Variants in PIWIL2 observed in about 807,000 individuals in gnomAD.
PIWIL2 encodes piwi-like protein 2.
In PIWIL2, 81 loss-of-function variants were observed where a neutral mutation model predicts 116.5. The observed-to-expected ratio is 0.70, with a 90% CI of 0.58 to 0.84. The LOEUF (loss-of-function observed/expected upper bound fraction) is 0.84. PIWIL2 is among the 40% of genes least tolerant of loss of function. The pLI, the probability that PIWIL2 is intolerant of heterozygous loss-of-function variation, is 0.00. For synonymous variants in PIWIL2, 489 were observed against 429.5 expected (o/e 1.14, Z -1.71); for missense variants, 1,272 against 1,212.3 (o/e 1.05, Z -0.73).
At chr8:22,327,090 C>T in intron 20 of PIWIL2, among the ~76,000 whole-genome samples, 1 of 140,584 alleles carries the variant, frequency 7.1e-6, no homozygotes, top group East Asian at 2.2e-4. Flanking sequence ...TGCAGTGACA[C>T]GATCTTGGCT....
chr8:22,309,825 A>G (rs1212353103), intron 14 of PIWIL2, 136 bp from the exon 15 acceptor site: 6 of 557,034 alleles, frequency 1.1e-5, no homozygotes, highest in African/African-American at 1.9e-5. Context: ...AAGCTTTATT[A>G]TTCTGCTAGT....
intron 5 of PIWIL2, 97 bp downstream of exon 5, chr8:22,283,337 C>T (rs1830556854): frequency 7.7e-6 from 7 of 908,888 alleles, no homozygotes; most frequent in Non-Finnish European, 1.1e-5. Flanking sequence ...TGTGTTGGGT[C>T]CTCCCTGGGT....
chr8:22,355,468 C>T lies in PIWIL2; in HGVS notation c.2885C>T (p.Pro962Leu). 6.2e-7 allele frequency: 1 copy of T among 1,614,152 alleles called. No individual in the cohort carries two copies. Among genetic ancestry groups the T allele is most frequent in the Non-Finnish European group, 8.5e-7 (1 of 1,180,018 alleles). The change falls in exon 23 of 23, where the codon CCA (proline) becomes CTA (leucine). Residue 962 changes from proline (P) to leucine (L), a missense_variant. Transcript: ENST00000356766. The part of the protein sequence containing the change: ...FLSGHILHHE[P>L]AIQLCENLFF... ...TCAGGACACATCTTGCATCATGAAC[C>T]AGCCATCCAGCTGTGCGAGAACCTG...
At chr8:22,277,018 GAT>G (rs79136424) in intron 1 of PIWIL2, among the ~76,000 whole-genome samples, 1,676 of 141,588 alleles carry the variant, frequency 0.012, 46 homozygotes, top group African/African-American at 0.042. Flanking sequence ...GTTATAAAGT[GAT>G]ATATATATAT....
intron 20 of PIWIL2, among the ~76,000 whole-genome samples, chr8:22,341,463 T>C (rs1832106948): frequency 6.6e-6 from 1 of 151,792 alleles, no homozygotes; most frequent in Non-Finnish European, 1.5e-5. Context: ...GGCATGGTGG[T>C]GCATACCTGT....
chr8:22,295,385 A>G (rs1830873328), intron 10 of PIWIL2, among the ~76,000 whole-genome samples: 3 of 151,514 alleles, frequency 2.0e-5, no homozygotes, highest in Non-Finnish European at 4.4e-5. Flanking sequence ...CCACTAATTT[A>G]AGCTCAAATT....
intron 14 of PIWIL2, 94 bp downstream of exon 14, chr8:22,308,167 GT>G (rs1015488473): frequency 2.2e-5 from 20 of 890,668 alleles, no homozygotes; most frequent in Non-Finnish European, 3.1e-5. Context: ...TATTTTGAAT[GT>G]TTGTCCATGT....
intron 10 of PIWIL2, among the ~76,000 whole-genome samples, chr8:22,295,679 T>G (rs1406301485): frequency 6.6e-6 from 1 of 152,162 alleles, no homozygotes; most frequent in African/African-American, 2.4e-5. Context: ...GGCTTGGTGT[T>G]CTACCACCTT....
intron 14 of PIWIL2, among the ~76,000 whole-genome samples, chr8:22,309,196 G>A (rs1002195829): frequency 4.0e-5 from 6 of 150,912 alleles, no homozygotes; most frequent in East Asian, 2.0e-4. Context: ...TCCTGACCTC[G>A]TGATCCACCC....
rs141640853 is a variant in PIWIL2 at position 22,289,551 on chromosome 8, A to G, written c.987-296A>G. Among the ~76,000 whole-genome samples the G allele has an allele frequency of 5.1e-3, 773 of 152,344 alleles. 6 individuals carry two copies. Among genetic ancestry groups the G allele is most frequent in the African/African-American group, 0.017 (702 of 41,582 alleles). Reference sequence around the variant, plus strand: ...CACACTTAGCAATGGGCTGTCTTGCATTCTTCGTAGTTAGTGGTGAAAAGT... The same window carrying G: ...CACACTTAGCAATGGGCTGTCTTGCGTTCTTCGTAGTTAGTGGTGAAAAGT... On this transcript the variant is annotated intron_variant, in intron 8 of 22. Coordinates refer to ENST00000356766, the MANE Select transcript of PIWIL2 (RefSeq NM_018068.5).
At chr8:22,319,633 A>T (rs929433036) in intron 20 of PIWIL2, among the ~76,000 whole-genome samples, 2 of 152,208 alleles carry the variant, frequency 1.3e-5, no homozygotes, top group African/African-American at 4.8e-5. Flanking sequence ...TGATGTTCAC[A>T]ATCAGGAACT....
intron 16 of PIWIL2, among the ~76,000 whole-genome samples, chr8:22,312,858 C>T (rs904451657): frequency 2.6e-5 from 4 of 152,182 alleles, no homozygotes; most frequent in African/African-American, 9.7e-5. Context: ...CCAGGCTGAT[C>T]TCAAACTCCC....
intron 11 of PIWIL2, 38 bp from the exon 12 acceptor site, chr8:22,304,746 T>A: frequency 8.3e-7 from 1 of 1,207,158 alleles, no homozygotes; most frequent in Non-Finnish European, 1.2e-6. Flanking sequence ...GTATTGATGC[T>A]GCTTCTGAAA....
At chr8:22,331,115 G>A (rs1831851850) in intron 20 of PIWIL2, among the ~76,000 whole-genome samples, 1 of 152,174 alleles carries the variant, frequency 6.6e-6, no homozygotes, top group Non-Finnish European at 1.5e-5. Context: ...GGTGGAGGTT[G>A]CAGTGAGCCA....
intron 10 of PIWIL2, among the ~76,000 whole-genome samples, 173 bp downstream of exon 10, chr8:22,290,519 G>A (rs749987254): frequency 2.0e-5 from 3 of 151,940 alleles, no homozygotes; most frequent in Middle Eastern, 3.2e-3. Flanking sequence ...ATAGCTCGCT[G>A]TAACCCTGAA....
intron 4 of PIWIL2, among the ~76,000 whole-genome samples, chr8:22,282,071 G>A (rs2131982183): frequency 8.0e-6 from 1 of 124,522 alleles, no homozygotes; most frequent in East Asian, 2.2e-4. Flanking sequence ...CACTGTGCGT[G>A]GACTTTTTTT....
At chr8:22,285,735 A>G (rs1470138793) in intron 6 of PIWIL2, among the ~76,000 whole-genome samples, 1 of 151,984 alleles carries the variant, frequency 6.6e-6, no homozygotes, top group African/African-American at 2.4e-5. Context: ...TCTGCCTCCA[A>G]GGTTCAAGCA....
In PIWIL2 at chr8:22,304,859, T is replaced by C. The variant is rs748666678; in HGVS notation, c.1446T>C (p.Asn482=). The C allele has an allele frequency of 1.9e-5, 31 of 1,602,376 alleles. No homozygotes were observed. In the East Asian group the frequency reaches 6.0e-4, roughly 31 times the overall value. Residue 482 remains asparagine, a synonymous_variant, in exon 12 of 23, where the codon AAT becomes AAC. Transcript: ENST00000356766. ...ACAGGCCCAGTGAGAGACAGGATAA[T>C]CATGGGATGGTGAGTAGGGCTGTCA... ...LIHRPSERQD[N]HGMLLKGEIL...
chr8:22,308,960 T>G lies in PIWIL2; in HGVS notation c.1686+887T>G, dbSNP rs765530457. On this transcript the variant is annotated intron_variant, in intron 14 of 22. Transcript: ENST00000356766. ...GCCACCACGCTAGCCCTTGTTTATT[T>G]TCTTTTTTCTGTTTTTTTAAGATGG... Among the ~76,000 whole-genome samples the G allele has an allele frequency of 4.6e-4, 69 of 151,316 alleles. 1 individual carries two copies. Among genetic ancestry groups the G allele is most frequent in the Non-Finnish European group, 8.3e-4 (56 of 67,872 alleles).
Sources: allele counts gnomAD v4.1 joint callset (sites outside exome capture counted in the v4.1 genomes callset), GRCh38; gene constraint gnomAD v4.1.1; transcripts MANE v1.5; gene names NCBI Gene and HGNC (gene_info 2026-07-23, HGNC 2026-07-21).